The following ZNRF3 variants were observed in gnomAD, a reference collection of about 807,000 sequenced individuals.
ZNRF3 encodes the protein E3 ubiquitin-protein ligase ZNRF3.
In ZNRF3, 23 loss-of-function variants were observed where a neutral mutation model predicts 72.5. The observed-to-expected ratio is 0.32, with a 90% CI of 0.23 to 0.45. The LOEUF is 0.45. ZNRF3 is among the 20% of genes least tolerant of loss of function. The pLI, the probability that ZNRF3 is intolerant of heterozygous loss-of-function variation, is 1.00. For synonymous variants in ZNRF3, 610 were observed against 545.3 expected, an observed-to-expected ratio of 1.12 and a Z score of -1.65; for missense variants, 1,169 against 1,272.1, an observed-to-expected ratio of 0.92 and a Z score of 1.23.
chr22:29,048,128 G>A lies in ZNRF3; in HGVS notation c.913-261G>A, dbSNP rs1465854838. ...AGTGTGTTTGCCCTCCTCCAGCTAC[G>A]GGAAAGACGCCTGCCTCTGTGCGTG... On this transcript the variant is annotated intron_variant, in intron 6 of 8. Coordinates refer to ENST00000544604, the MANE Select transcript of ZNRF3 (RefSeq NM_001206998.2). This position sits in a 1 kb window ranked among gnomAD's most constrained non-coding sequence, Gnocchi z 4.9. Among the ~76,000 whole-genome samples the A allele has an allele frequency of 1.3e-5, 2 of 152,162 alleles. No homozygotes were observed. Among genetic ancestry groups the A allele is most frequent in the African/African-American group, 4.8e-5 (2 of 41,436 alleles).
At chr22:29,017,842 G>T (rs2036463493) in intron 2 of ZNRF3, among the ~76,000 whole-genome samples, 1 of 152,148 alleles carries the variant, frequency 6.6e-6, no homozygotes, top group African/African-American at 2.4e-5. Context: ...TAGAGGCTAC[G>T]CTGGTATAGA....
intron 1 of ZNRF3, among the ~76,000 whole-genome samples, chr22:28,986,294 A>G (rs1432638766): frequency 6.6e-6 from 1 of 152,328 alleles, no homozygotes; most frequent in Non-Finnish European, 1.5e-5. Context: ...AGAGCTTAGC[A>G]CACACAGTGC....
chr22:29,016,511 G>C (rs891577683), intron 2 of ZNRF3, among the ~76,000 whole-genome samples: 1 of 152,156 alleles, frequency 6.6e-6, no homozygotes. Flanking sequence ...GTTCAATAAA[G>C]GTTAATTTAA....
intron 1 of ZNRF3, among the ~76,000 whole-genome samples, chr22:28,934,231 A>C (rs191930413): frequency 1.4e-4 from 22 of 152,066 alleles, no homozygotes; most frequent in Middle Eastern, 3.4e-3. Context: ...GGCCCCATAA[A>C]ATTTTAGTCT....
At chr22:28,998,999 C>G (rs919964316) in intron 2 of ZNRF3, among the ~76,000 whole-genome samples, 2 of 151,952 alleles carry the variant, frequency 1.3e-5, no homozygotes, top group Admixed American at 6.6e-5. Context: ...GATGGTATGA[C>G]TGGCCAGCTG....
chr22:29,032,566 A>T (rs1338721612), intron 2 of ZNRF3, among the ~76,000 whole-genome samples: 1 of 152,230 alleles, frequency 6.6e-6, no homozygotes, highest in African/African-American at 2.4e-5. Flanking sequence ...AAGTGCGAAG[A>T]ATATTATGTT....
chr22:29,040,434 G>A (rs2036941966), intron 2 of ZNRF3, among the ~76,000 whole-genome samples: 2 of 151,916 alleles, frequency 1.3e-5, no homozygotes, highest in South Asian at 4.1e-4. Context: ...ACCCGCCTAA[G>A]CCTCTCAGAA....
intron 1 of ZNRF3, among the ~76,000 whole-genome samples, chr22:28,973,939 A>ATC (rs1045233991): frequency 3.9e-4 from 57 of 147,626 alleles, no homozygotes; most frequent in Admixed American, 1.2e-3. Context: ...AAAGGAATGC[A>ATC]TCTCTCTCTC....
intron 2 of ZNRF3, among the ~76,000 whole-genome samples, chr22:28,988,306 C>T (rs747523086): frequency 5.9e-5 from 9 of 152,106 alleles, no homozygotes; most frequent in Non-Finnish European, 8.8e-5. Context: ...TCTTGAGGCT[C>T]TCTTGAGAAA....
intron 1 of ZNRF3, among the ~76,000 whole-genome samples, chr22:28,891,534 T>G (rs1464569937): frequency 2.6e-5 from 4 of 152,270 alleles, no homozygotes; most frequent in African/African-American, 7.2e-5. Context: ...TTTGCTCACA[T>G]TTAACAGACA....
chr22:29,042,251 C>G (rs1226837118), intron 2 of ZNRF3, among the ~76,000 whole-genome samples: 2 of 152,208 alleles, frequency 1.3e-5, no homozygotes, highest in Non-Finnish European at 2.9e-5. Flanking sequence ...TTTATCACTT[C>G]TTTGTGTTGG....
intron 5 of ZNRF3, among the ~76,000 whole-genome samples, chr22:29,045,509 G>A (rs1042723801): frequency 6.6e-6 from 1 of 152,042 alleles, no homozygotes; most frequent in Non-Finnish European, 1.5e-5. Context: ...ATTTCTTTGA[G>A]ACAAGATCTC....
intron 1 of ZNRF3, among the ~76,000 whole-genome samples, chr22:28,893,407 C>A (rs1222355572): frequency 6.6e-6 from 1 of 151,966 alleles, no homozygotes; most frequent in African/African-American, 2.4e-5. Context: ...TGTTATTTTT[C>A]TGATTTATTC....
chr22:28,900,184 C>G (rs1360627552), intron 1 of ZNRF3, among the ~76,000 whole-genome samples: 11 of 152,094 alleles, frequency 7.2e-5, no homozygotes, highest in Admixed American at 7.2e-4. Context: ...ATGGGGGACT[C>G]CTCCTCCCCC....
In ZNRF3 at chr22:28,883,653, C is replaced by G. The variant is rs1286145486; in HGVS notation, c.-114C>G. Reference sequence around the variant, plus strand: ...GAGCTGAGCCTGCGACCCACAAAGCCGCCGCCGCCGCCGCCGTGATGGGGC... The same window carrying G: ...GAGCTGAGCCTGCGACCCACAAAGCGGCCGCCGCCGCCGCCGTGATGGGGC... On this transcript the variant is annotated 5_prime_UTR_variant, in exon 1 of 9. Transcript: ENST00000544604. The surrounding 1 kb of genome is among the most constrained non-coding windows in gnomAD (Gnocchi z 5.5). The G allele has an allele frequency of 2.3e-6, 2 of 885,528 alleles. No homozygotes were observed. Among genetic ancestry groups the G allele is most frequent in the African/African-American group, 3.6e-5 (2 of 55,144 alleles). 54.9% of individuals were successfully genotyped at this position (885,528 alleles called of 1,614,324 possible). A position where few individuals can be genotyped will look rare whatever the true frequency, so the allele number is the denominator to read the frequency against.
intron 1 of ZNRF3, chr22:28,917,360 C>T: frequency 1.0e-6 from 1 of 965,888 alleles, no homozygotes; most frequent in South Asian, 4.8e-5. Context: ...CTGCCAACTC[C>T]TCAGGAGGCT....
At chr22:28,934,572 T>C (rs971625911) in intron 1 of ZNRF3, among the ~76,000 whole-genome samples, 12 of 151,990 alleles carry the variant, frequency 7.9e-5, no homozygotes, top group African/African-American at 2.9e-4. Flanking sequence ...AATCCCAGCA[T>C]TTTGGGAGGC....
At chr22:28,885,590 TAAAAAAAAAAAA>T (rs34201242) in intron 1 of ZNRF3, among the ~76,000 whole-genome samples, 198 of 102,752 alleles carry the variant, frequency 1.9e-3, no homozygotes, top group African/African-American at 6.5e-3. Flanking sequence ...TACAGCCTTC[TAAAAAAAAAAAA>T]AAAAAAAAAA....
intron 2 of ZNRF3, among the ~76,000 whole-genome samples, chr22:29,021,017 C>T (rs1224968056): frequency 6.6e-6 from 1 of 151,996 alleles, no homozygotes; most frequent in East Asian, 1.9e-4. Context: ...AGGATGGTCT[C>T]TATCTCTTGA....
Sources: gnomAD v4.1 joint callset for allele counts (sites outside exome capture counted in the v4.1 genomes callset) on GRCh38, gnomAD v4.1.1 for gene constraint, Gnocchi (gnomAD v3.1) non-coding constraint, MANE v1.5 for transcripts, NCBI Gene and HGNC (gene_info 2026-07-23, HGNC 2026-07-21) for gene names.